Variants in TMEM132B observed in about 807,000 individuals in gnomAD.
TMEM132B encodes the protein transmembrane protein 132B.
TMEM132B carries 18 observed loss-of-function variants against 90.8 expected under a neutral mutation model. That is an observed-to-expected ratio of 0.20 (90% CI 0.14 to 0.29). The LOEUF (loss-of-function observed/expected upper bound fraction) is 0.29, where lower values mean the gene tolerates loss of function less well. Ranked by LOEUF, TMEM132B falls within the 10% of genes least tolerant of loss-of-function variation. The pLI is 1.00. For synonymous variants in TMEM132B, 504 were observed against 523.3 expected (o/e 0.96, Z 0.50); for missense variants, 1,096 against 1,326.8 (o/e 0.83, Z 2.70).
intron 5 of TMEM132B, among the ~76,000 whole-genome samples, chr12:125,631,166 A>G (rs920449605): frequency 6.6e-6 from 1 of 151,972 alleles, no homozygotes; most frequent in South Asian, 2.1e-4. Flanking sequence ...TGTATGCCAT[A>G]GGTTTTCTTA....
At chr12:125,252,842 G>A (rs891484149) in intron 1 of TMEM132B, among the ~76,000 whole-genome samples, 5 of 152,140 alleles carry the variant, frequency 3.3e-5, no homozygotes, top group East Asian at 1.9e-4. Flanking sequence ...CTGTGCACTC[G>A]CTGGGGAAAA....
chr12:125,509,452 G>T (rs1882925686), intron 3 of TMEM132B, among the ~76,000 whole-genome samples: 1 of 152,286 alleles, frequency 6.6e-6, no homozygotes, highest in Admixed American at 6.5e-5. Context: ...GAACAACTAG[G>T]CCTCTCTTTT....
intron 4 of TMEM132B, among the ~76,000 whole-genome samples, chr12:125,554,173 C>A (rs1884309773): frequency 6.6e-6 from 1 of 152,016 alleles, no homozygotes; most frequent in African/African-American, 2.4e-5. Context: ...CCTGTAATCC[C>A]AGCACTTTGG....
intron 4 of TMEM132B, among the ~76,000 whole-genome samples, chr12:125,523,148 A>G (rs1883353717): frequency 6.6e-6 from 1 of 152,096 alleles, no homozygotes; most frequent in Non-Finnish European, 1.5e-5. Flanking sequence ...CATATTATTA[A>G]TTTTCCTGTG....
chr12:125,446,867 A>G (rs917703152), intron 3 of TMEM132B, among the ~76,000 whole-genome samples: 2 of 152,210 alleles, frequency 1.3e-5, no homozygotes, highest in African/African-American at 2.4e-5. Context: ...AAAGGACCAG[A>G]GTATTGCATT....
intron 2 of TMEM132B, among the ~76,000 whole-genome samples, chr12:125,405,924 G>A (rs993370414): frequency 4.6e-5 from 7 of 152,324 alleles, no homozygotes; most frequent in Admixed American, 2.0e-4. Context: ...CTGGCATCTT[G>A]CAGCCATCAG....
chr12:125,421,118 C>T (rs1157567050), intron 3 of TMEM132B, among the ~76,000 whole-genome samples: 2 of 152,198 alleles, frequency 1.3e-5, no homozygotes, highest in African/African-American at 4.8e-5. Context: ...CAAACTTTCC[C>T]ACATCTTCCT....
intron 3 of TMEM132B, among the ~76,000 whole-genome samples, chr12:125,465,804 A>G (rs984938185): frequency 6.6e-6 from 1 of 152,196 alleles, no homozygotes; most frequent in Admixed American, 6.5e-5. Flanking sequence ...ACAATTCTTT[A>G]TCTTAATTAC....
At chr12:125,190,257 T>C (rs1168806790) in intron 1 of TMEM132B, among the ~76,000 whole-genome samples, 1 of 152,164 alleles carries the variant, frequency 6.6e-6, no homozygotes, top group Non-Finnish European at 1.5e-5. Context: ...TACAGTCCTT[T>C]AGGGAACTGT....
chr12:125,228,830 G>A (rs1873744827), intron 1 of TMEM132B, among the ~76,000 whole-genome samples: 1 of 152,218 alleles, frequency 6.6e-6, no homozygotes, highest in South Asian at 2.1e-4. Context: ...GTTTTCCAGT[G>A]ATTGGTTTAG....
chr12:125,303,642 AGACATTATTTTCCC>A (rs1215493724), intron 1 of TMEM132B, among the ~76,000 whole-genome samples: 1 of 152,214 alleles, frequency 6.6e-6, no homozygotes, highest in African/African-American at 2.4e-5. Context: ...GTATTTTCCC[AGACATTATTTTCCC>A]TTTAAAAAAT....
chr12:125,645,021 T>C (rs1366668099), intron 6 of TMEM132B, among the ~76,000 whole-genome samples: 2 of 151,696 alleles, frequency 1.3e-5, no homozygotes, highest in East Asian at 3.9e-4. Flanking sequence ...ATCGACACCA[T>C]CCTGGCTAAC....
At chr12:125,567,789 T>G (rs1405862371) in intron 4 of TMEM132B, among the ~76,000 whole-genome samples, 1 of 152,208 alleles carries the variant, frequency 6.6e-6, no homozygotes, top group Non-Finnish European at 1.5e-5. Context: ...AGAAGACTTT[T>G]TTTTTTCCCC....
intron 2 of TMEM132B, 53 bp downstream of exon 2, chr12:125,350,396 T>C: frequency 6.5e-7 from 1 of 1,529,766 alleles, no homozygotes; most frequent in Non-Finnish European, 8.8e-7. Context: ...TAGTAATCAA[T>C]GAATTGTCAA....
At chr12:125,543,493 A>T (rs577292543) in intron 4 of TMEM132B, among the ~76,000 whole-genome samples, 20 of 152,228 alleles carry the variant, frequency 1.3e-4, no homozygotes, top group Non-Finnish European at 7.3e-5. Context: ...ATCATTTTAT[A>T]TAAGAGATTT....
chr12:125,503,429 C>CT (rs949754840), intron 3 of TMEM132B, among the ~76,000 whole-genome samples: 2 of 152,174 alleles, frequency 1.3e-5, no homozygotes, highest in African/African-American at 2.4e-5. Flanking sequence ...AATTAGTGGT[C>CT]TTTTTTCTCA....
At chr12:125,619,406 C>T (rs1015540676) in intron 5 of TMEM132B, among the ~76,000 whole-genome samples, 9 of 151,016 alleles carry the variant, frequency 6.0e-5, no homozygotes, top group African/African-American at 2.2e-4. Flanking sequence ...ACTCTGTCAC[C>T]CAGGCTGGCA....
At chr12:125,373,911 C>T (rs936190635) in intron 2 of TMEM132B, among the ~76,000 whole-genome samples, 3 of 152,260 alleles carry the variant, frequency 2.0e-5, no homozygotes, top group Admixed American at 2.0e-4. Flanking sequence ...TCTCATGCCT[C>T]AGCCTCCCAG....
At chr12:125,295,544 C>CAGAGACAGAGAGAGAG (rs1171719132) in intron 1 of TMEM132B, among the ~76,000 whole-genome samples, 2,183 of 82,982 alleles carry the variant, frequency 0.026, 27 homozygotes, top group Non-Finnish European at 0.036. Flanking sequence ...GAGAGAGAGA[C>CAGAGACAGAGAGAGAG]AGAGACAGAG....
Sources: gnomAD v4.1 joint callset for allele counts (sites outside exome capture counted in the v4.1 genomes callset) on GRCh38, gnomAD v4.1.1 for gene constraint, MANE v1.5 for transcripts, NCBI Gene and HGNC (gene_info 2026-07-23, HGNC 2026-07-21) for gene names.